The following SMYD3 variants were observed in gnomAD, a reference collection of about 807,000 sequenced individuals.
The protein encoded by SMYD3 is histone-lysine N-methyltransferase SMYD3.
In SMYD3, 36 loss-of-function variants were observed where a neutral mutation model predicts 57.7. The observed-to-expected ratio is 0.62, with a 90% CI of 0.48 to 0.82. The LOEUF is 0.82. Ranked by LOEUF, SMYD3 falls within the 40% of genes least tolerant of loss-of-function variation. SMYD3 has a pLI of 0.00. For synonymous variants in SMYD3, 211 were observed against 195.0 expected, an observed-to-expected ratio of 1.08 and a Z score of -0.68; for missense variants, 515 against 538.8, an observed-to-expected ratio of 0.96 and a Z score of 0.44.
intron 5 of SMYD3, among the ~76,000 whole-genome samples, chr1:246,291,979 A>G (rs1172895797): frequency 3.9e-5 from 6 of 152,098 alleles, no homozygotes; most frequent in Admixed American, 1.3e-4. Flanking sequence ...TAGACTTACT[A>G]TCCAACACAC....
At chr1:245,886,985 G>C (rs2053121601) in intron 8 of SMYD3, among the ~76,000 whole-genome samples, 1 of 152,094 alleles carries the variant, frequency 6.6e-6, no homozygotes, top group African/African-American at 2.4e-5. Context: ...TCAAGCCTCT[G>C]GGACATTTCA....
At chr1:246,067,391 T>C (rs1306465338) in intron 5 of SMYD3, among the ~76,000 whole-genome samples, 1 of 152,154 alleles carries the variant, frequency 6.6e-6, no homozygotes, top group Non-Finnish European at 1.5e-5. Context: ...TCAGCATTCT[T>C]CTCTTACCCC....
chr1:246,222,612 A>T (rs1029560453), intron 5 of SMYD3, among the ~76,000 whole-genome samples: 1 of 152,150 alleles, frequency 6.6e-6, no homozygotes, highest in Non-Finnish European at 1.5e-5. Context: ...TCCTTAATTT[A>T]TGAAATCCTC....
chr1:246,092,395 G>C (rs187869984), intron 5 of SMYD3, among the ~76,000 whole-genome samples: 1 of 152,042 alleles, frequency 6.6e-6, no homozygotes, highest in Non-Finnish European at 1.5e-5. Flanking sequence ...AAAATGTCAC[G>C]CTTCTCATAA....
intron 5 of SMYD3, among the ~76,000 whole-genome samples, chr1:246,233,981 A>G (rs1203645126): frequency 1.4e-5 from 2 of 139,162 alleles, no homozygotes; most frequent in African/African-American, 2.7e-5. Flanking sequence ...CACTCCTTCA[A>G]TTCACACTGT....
At chr1:246,014,954 T>G (rs1165525225) in intron 5 of SMYD3, among the ~76,000 whole-genome samples, 1 of 152,164 alleles carries the variant, frequency 6.6e-6, no homozygotes, top group African/African-American at 2.4e-5. Flanking sequence ...CTTCAGTAAC[T>G]GAACTCCTAT....
intron 5 of SMYD3, among the ~76,000 whole-genome samples, chr1:246,159,725 G>C (rs2062083382): frequency 2.0e-5 from 3 of 152,198 alleles, no homozygotes. Flanking sequence ...CCAGGGTGTA[G>C]GAGTGCAGGG....
chr1:246,236,488 C>T (rs2063514372), intron 5 of SMYD3, among the ~76,000 whole-genome samples: 1 of 152,094 alleles, frequency 6.6e-6, no homozygotes. Flanking sequence ...GATCTCGGCT[C>T]ACTGCAAGCT....
chr1:246,349,478 G>A (rs1033029345), intron 2 of SMYD3, among the ~76,000 whole-genome samples: 7 of 152,144 alleles, frequency 4.6e-5, no homozygotes, highest in Admixed American at 2.6e-4. Flanking sequence ...GGTAGTGCAC[G>A]CCTGTAGTCC....
intron 7 of SMYD3, among the ~76,000 whole-genome samples, chr1:245,920,098 G>T (rs186723050): frequency 2.4e-3 from 371 of 152,212 alleles, no homozygotes; most frequent in African/African-American, 8.5e-3. Context: ...AGGATCACGA[G>T]GTCAGGAGAT....
intron 10 of SMYD3, among the ~76,000 whole-genome samples, chr1:245,790,277 T>C (rs955948441): frequency 2.0e-5 from 3 of 152,184 alleles, no homozygotes; most frequent in African/African-American, 4.8e-5. Context: ...TTCAACGAAC[T>C]GATGGAAAGT....
chr1:245,855,898 A>G (rs2051214580), intron 10 of SMYD3, among the ~76,000 whole-genome samples: 1 of 152,224 alleles, frequency 6.6e-6, no homozygotes, highest in South Asian at 2.1e-4. Context: ...CAATATATTA[A>G]CATTGTAAAA....
intron 5 of SMYD3, among the ~76,000 whole-genome samples, chr1:246,215,679 T>A (rs2878077): frequency 6.6e-6 from 1 of 151,936 alleles, no homozygotes; most frequent in Admixed American, 6.6e-5. Context: ...AGCAGCAGCA[T>A]GCCACAGAAA....
intron 5 of SMYD3, among the ~76,000 whole-genome samples, chr1:246,002,386 G>A (rs12738962): frequency 2.0e-3 from 112 of 55,596 alleles, no homozygotes; most frequent in African/African-American, 5.8e-3. Context: ...GGGTTTCACC[G>A]TGTTAGCCAG....
chr1:246,324,419 A>G (rs2065305024), intron 5 of SMYD3, among the ~76,000 whole-genome samples: 1 of 150,300 alleles, frequency 6.7e-6, no homozygotes, highest in Non-Finnish European at 1.5e-5. Flanking sequence ...TCCATCTCAA[A>G]AAAAAAAAAA....
At chr1:246,443,076 C>T (rs1346817765) in intron 1 of SMYD3, among the ~76,000 whole-genome samples, 3 of 152,098 alleles carry the variant, frequency 2.0e-5, no homozygotes, top group Non-Finnish European at 4.4e-5. Flanking sequence ...TATATTCCTT[C>T]CAGTTGTTTT....
intron 5 of SMYD3, among the ~76,000 whole-genome samples, chr1:245,960,572 C>G (rs1318063657): frequency 6.6e-6 from 1 of 151,988 alleles, no homozygotes; most frequent in Non-Finnish European, 1.5e-5. Context: ...AAAAAAGACA[C>G]AAAAATTAGT....
chr1:246,231,281 A>G (rs1466911962), intron 5 of SMYD3, among the ~76,000 whole-genome samples: 6 of 152,146 alleles, frequency 3.9e-5, no homozygotes, highest in African/African-American at 1.4e-4. Flanking sequence ...ATAGCTGTGG[A>G]TACATGGAGA....
chr1:245,795,807 T>G (rs1385290069), intron 10 of SMYD3, among the ~76,000 whole-genome samples: 2 of 152,130 alleles, frequency 1.3e-5, no homozygotes, highest in African/African-American at 2.4e-5. Flanking sequence ...TTGTCCCCTC[T>G]CTCCCTAAAT....
Sources: gnomAD v4.1 joint callset for allele counts (sites outside exome capture counted in the v4.1 genomes callset) on GRCh38, gnomAD v4.1.1 for gene constraint, MANE v1.5 for transcripts, NCBI Gene and HGNC (gene_info 2026-07-23, HGNC 2026-07-21) for gene names.